Variants in GATAD2A observed in about 807,000 individuals in gnomAD.
The protein encoded by GATAD2A is transcriptional repressor p66-alpha.
A neutral mutation model predicts 68.5 loss-of-function variants in GATAD2A; 12 were observed. That is an observed-to-expected ratio of 0.18 (90% CI 0.11 to 0.28). The LOEUF (loss-of-function observed/expected upper bound fraction) is 0.28. Ranked by LOEUF, GATAD2A falls within the 10% of genes least tolerant of loss-of-function variation. The pLI is 1.00. For synonymous variants in GATAD2A, 410 were observed against 375.3 expected, an observed-to-expected ratio of 1.09 and a Z score of -1.07; for missense variants, 755 against 868.5, an observed-to-expected ratio of 0.87 and a Z score of 1.64.
intron 1 of GATAD2A, among the ~76,000 whole-genome samples, chr19:19,406,776 T>G (rs964574742): frequency 3.3e-5 from 5 of 152,210 alleles, no homozygotes; most frequent in Non-Finnish European, 5.9e-5. Flanking sequence ...GAAAGGCTTA[T>G]GGGCAGGGCC....
chr19:19,501,296 C>G lies in GATAD2A; in HGVS notation c.1383C>G (p.Ala461=). ...TGGAGCACACCAGCCGGCTGAAGGC[C>G]GCCTTTGTGAAGGCGCTGCAGCAGG... ...LKVEHTSRLK[A]AFVKALQQEQ... Residue 461 remains alanine (A), a synonymous_variant, in exon 9 of 12, where the codon GCC becomes GCG. Transcript: ENST00000683918. The G allele has an allele frequency of 6.2e-7, 1 of 1,613,284 alleles. No individual in the cohort carries two copies. Among genetic ancestry groups the G allele is most frequent in the Admixed American group, 1.7e-5 (1 of 60,024 alleles).
chr19:19,486,928 C>T (rs527270399), intron 2 of GATAD2A, among the ~76,000 whole-genome samples: 2 of 152,344 alleles, frequency 1.3e-5, no homozygotes, highest in East Asian at 1.9e-4. Context: ...CAGGTGTCTT[C>T]TAGCTCACTG....
At chr19:19,504,640 CTTTTT>C (rs36052091) in intron 11 of GATAD2A, among the ~76,000 whole-genome samples, 1 of 137,162 alleles carries the variant, frequency 7.3e-6, no homozygotes, top group Non-Finnish European at 1.6e-5. Context: ...TTTTTTTTTC[CTTTTT>C]TTTTTTTTTT....
rs182419979 is a variant in GATAD2A at position 19,466,979 on chromosome 19, C to A, written c.269+1365C>A. On this transcript the variant is annotated intron_variant, in intron 2 of 11. Transcript: ENST00000683918. ...TCTGCAGTCCATGTGCATGGGGTCC[C>A]TTGTGCATTCCTGGGTTGCTGACAT... 4.3e-4 allele frequency among the ~76,000 whole-genome samples: 66 copies of A among 152,268 alleles called. 1 individual carries two copies. The East Asian group carries it at 0.01, about 24-fold the overall frequency.
At chr19:19,481,422 C>T (rs1272931333) in intron 2 of GATAD2A, among the ~76,000 whole-genome samples, 3 of 152,190 alleles carry the variant, frequency 2.0e-5, no homozygotes, top group Non-Finnish European at 4.4e-5. Context: ...CCTCCAGCTC[C>T]TGGGCTCAAG....
intron 1 of GATAD2A, among the ~76,000 whole-genome samples, chr19:19,411,134 C>A (rs2050869958): frequency 1.3e-5 from 2 of 152,222 alleles, no homozygotes; most frequent in African/African-American, 2.4e-5. Context: ...AGCCTATTCC[C>A]CTCTCTCCAT....
Position 19,443,539 on chromosome 19 carries a change from T to C in GATAD2A, c.-6-21801T>C, listed in dbSNP as rs148252443. Among the ~76,000 whole-genome samples the C allele has an allele frequency of 5.2e-3, 798 of 152,258 alleles. 6 individuals carry two copies. The highest frequency in any genetic ancestry group is 0.041 in the South Asian group (196 of 4,818). On this transcript the variant is annotated intron_variant, in intron 1 of 11. Transcript: ENST00000683918. ...TTCTGTAGAGATAAATACTGACCCC[T>C]TTAGCACAAATGCATGTTTCATAGG...
intron 2 of GATAD2A, among the ~76,000 whole-genome samples, chr19:19,477,607 C>T (rs116073757): frequency 6.8e-4 from 104 of 152,092 alleles, no homozygotes; most frequent in African/African-American, 2.3e-3. Flanking sequence ...GAGCAGAGAC[C>T]GGAAAGGTGG....
intron 1 of GATAD2A, among the ~76,000 whole-genome samples, chr19:19,458,037 G>T (rs1250936343): frequency 6.6e-6 from 1 of 152,218 alleles, no homozygotes; most frequent in Non-Finnish European, 1.5e-5. Flanking sequence ...GGCTCAGGGA[G>T]CTCCTAGCCA....
At chr19:19,453,380 C>T (rs554719947) in intron 1 of GATAD2A, among the ~76,000 whole-genome samples, 10 of 152,272 alleles carry the variant, frequency 6.6e-5, no homozygotes, top group East Asian at 1.9e-4. Flanking sequence ...TAAAATTGAC[C>T]CTGTAGCAAG....
At chr19:19,449,689 G>A (rs1170015949) in intron 1 of GATAD2A, among the ~76,000 whole-genome samples, 1 of 151,984 alleles carries the variant, frequency 6.6e-6, no homozygotes, top group East Asian at 1.9e-4. Flanking sequence ...CTGTGACCTC[G>A]GGAGGCTAAG....
At chr19:19,480,105 G>A (rs1007775927) in intron 2 of GATAD2A, among the ~76,000 whole-genome samples, 3 of 151,996 alleles carry the variant, frequency 2.0e-5, no homozygotes, top group African/African-American at 4.8e-5. Context: ...CGTGCCTGGC[G>A]ACACAGCCTA....
At chr19:19,397,928 A>C (rs2049384794) in intron 1 of GATAD2A, among the ~76,000 whole-genome samples, 2 of 152,160 alleles carry the variant, frequency 1.3e-5, no homozygotes. Flanking sequence ...GTTGAGACAG[A>C]GTTTTGCTCT....
chr19:19,444,639 G>A (rs942434589), intron 1 of GATAD2A, among the ~76,000 whole-genome samples: 1 of 152,144 alleles, frequency 6.6e-6, no homozygotes, highest in Non-Finnish European at 1.5e-5. Context: ...GGGAGGCCAA[G>A]GCATGTGGAT....
At chr19:19,486,358 G>A (rs557149651) in intron 2 of GATAD2A, among the ~76,000 whole-genome samples, 6 of 152,310 alleles carry the variant, frequency 3.9e-5, no homozygotes, top group South Asian at 2.1e-4. Flanking sequence ...TCTAAGGCCC[G>A]ACAATCCAAA....
intron 2 of GATAD2A, among the ~76,000 whole-genome samples, chr19:19,475,452 A>G (rs2058611505): frequency 6.7e-6 from 1 of 149,594 alleles, no homozygotes; most frequent in African/African-American, 2.5e-5. Context: ...GGGGCTCCGG[A>G]GCGGGGTACT....
intron 2 of GATAD2A, among the ~76,000 whole-genome samples, chr19:19,491,402 T>TC (rs1159158170): frequency 6.6e-6 from 1 of 152,082 alleles, no homozygotes; most frequent in Non-Finnish European, 1.5e-5. Context: ...GGAAGTGAGC[T>TC]CCCCAGACCG....
At chr19:19,459,450 A>G (rs903402310) in intron 1 of GATAD2A, among the ~76,000 whole-genome samples, 5 of 150,132 alleles carry the variant, frequency 3.3e-5, no homozygotes, top group South Asian at 2.1e-4. Flanking sequence ...TTTTCTTCAC[A>G]TAGCATTGTC....
At chr19:19,401,181 C>A (rs1432163644), upstream of GATAD2A, among the ~76,000 whole-genome samples, 2 of 129,352 alleles carry the variant, frequency 1.5e-5, no homozygotes, top group Admixed American at 7.8e-5. Context: ...GTTCGTTTTT[C>A]ATAAAGGTGA....
Sources: gnomAD v4.1 joint callset for allele counts (sites outside exome capture counted in the v4.1 genomes callset) on GRCh38, gnomAD v4.1.1 for gene constraint, MANE v1.5 for transcripts, NCBI Gene and HGNC (gene_info 2026-07-23, HGNC 2026-07-21) for gene names.